Variants in STK31 observed in about 807,000 individuals in gnomAD.
The protein encoded by STK31 is serine/threonine-protein kinase 31.
STK31 carries 89 observed loss-of-function variants against 129.7 expected under a neutral mutation model. The observed-to-expected ratio is 0.69, with a 90% CI of 0.58 to 0.82. The LOEUF is 0.82. Ranked by LOEUF, STK31 falls within the 40% of genes least tolerant of loss-of-function variation. The probability of loss-of-function intolerance (pLI) is 0.00; values close to 1 mark genes in which losing one functional copy is unlikely to be tolerated. For missense variants in STK31, 1,187 were observed against 1,176.4 expected (o/e 1.01, Z -0.13); for synonymous variants, 448 against 395.3 (o/e 1.13, Z -1.58).
Position 23,821,308 on chromosome 7 carries a change from T to C in STK31, c.2829+6096T>C, listed in dbSNP as rs1793771500. On this transcript the variant is annotated intron_variant, in intron 23 of 23. Coordinates refer to ENST00000355870, the MANE Select transcript of STK31 (RefSeq NM_031414.5). Reference sequence around the variant, plus strand: ...GTTCTCCACATCTTTGTGGAGATTTTTCAAAATAGTATTTGGCTATTTTTT... The same window carrying C: ...GTTCTCCACATCTTTGTGGAGATTTCTCAAAATAGTATTTGGCTATTTTTT... 2.6e-5 allele frequency among the ~76,000 whole-genome samples: 4 copies of C among 152,310 alleles called. No individual in the cohort carries two copies. The South Asian group carries it at 8.3e-4, about 32-fold the overall frequency.
intron 23 of STK31, among the ~76,000 whole-genome samples, chr7:23,823,777 A>G (rs940875818): frequency 2.6e-5 from 4 of 152,158 alleles, no homozygotes; most frequent in African/African-American, 9.7e-5. Context: ...TTTTTGTATA[A>G]GGTGTAAGGA....
intron 23 of STK31, among the ~76,000 whole-genome samples, chr7:23,819,409 T>G (rs941818888): frequency 8.1e-6 from 1 of 123,730 alleles, no homozygotes; most frequent in Non-Finnish European, 1.6e-5. Flanking sequence ...AGTAAACAGA[T>G]GATTTCTTTC....
intron 4 of STK31, among the ~76,000 whole-genome samples, chr7:23,726,927 G>C (rs1381910922): frequency 2.0e-5 from 3 of 152,022 alleles, no homozygotes. Flanking sequence ...GTGATTTTAA[G>C]TGTTTGATGC....
intron 15 of STK31, among the ~76,000 whole-genome samples, chr7:23,773,425 C>G (rs1284100200): frequency 6.6e-6 from 1 of 152,126 alleles, no homozygotes; most frequent in African/African-American, 2.4e-5. Flanking sequence ...GCCACATTTT[C>G]TTTATCCACT....
At chr7:23,713,807 T>C (rs1402744303) in intron 3 of STK31, among the ~76,000 whole-genome samples, 1 of 152,086 alleles carries the variant, frequency 6.6e-6, no homozygotes, top group Non-Finnish European at 1.5e-5. Flanking sequence ...TTGAGGCGGC[T>C]GTACAGTTAA....
At chr7:23,793,031 A>G (rs1449848625) in intron 22 of STK31, among the ~76,000 whole-genome samples, 1 of 152,222 alleles carries the variant, frequency 6.6e-6, no homozygotes, top group Non-Finnish European at 1.5e-5. Flanking sequence ...CTAAAAACAC[A>G]AGTGATACTG....
intron 22 of STK31, among the ~76,000 whole-genome samples, chr7:23,804,056 A>C (rs1240502644): frequency 6.6e-6 from 1 of 152,106 alleles, no homozygotes; most frequent in Non-Finnish European, 1.5e-5. Flanking sequence ...AAAGAAGAGA[A>C]TGGCCCCCTT....
chr7:23,797,801 CA>C (rs897017015), intron 22 of STK31, among the ~76,000 whole-genome samples: 29 of 151,838 alleles, frequency 1.9e-4, no homozygotes, highest in African/African-American at 6.5e-4. Context: ...AAAAACCCTT[CA>C]AAAAATCAAT....
At chr7:23,732,022 A>C (rs1458125131) in intron 6 of STK31, among the ~76,000 whole-genome samples, 3 of 152,224 alleles carry the variant, frequency 2.0e-5, no homozygotes, top group Non-Finnish European at 4.4e-5. Context: ...TAAAAAGTTA[A>C]GTTTTGTCCA....
intron 8 of STK31, among the ~76,000 whole-genome samples, chr7:23,741,090 T>C (rs1221894758): frequency 4.6e-5 from 7 of 152,208 alleles, no homozygotes; most frequent in Non-Finnish European, 1.0e-4. Context: ...CCATTATTCT[T>C]TTTGATGCCC....
At chr7:23,814,507 C>T (rs1441011803) in intron 22 of STK31, among the ~76,000 whole-genome samples, 2 of 151,900 alleles carry the variant, frequency 1.3e-5, no homozygotes, top group Non-Finnish European at 2.9e-5. Context: ...AAATAAAAGA[C>T]TGTCTCTTAG....
intron 9 of STK31, among the ~76,000 whole-genome samples, chr7:23,753,568 G>T (rs1385599363): frequency 1.3e-5 from 2 of 152,208 alleles, no homozygotes; most frequent in Admixed American, 6.5e-5. Flanking sequence ...TCATACAGAT[G>T]CCTTTGCAAT....
intron 23 of STK31, among the ~76,000 whole-genome samples, chr7:23,822,651 G>T (rs900960477): frequency 6.6e-6 from 1 of 151,896 alleles, no homozygotes; most frequent in Non-Finnish European, 1.5e-5. Flanking sequence ...TGTGCACAAC[G>T]TGCAGGTTTG....
At chr7:23,798,213 CAGT>C (rs1392768957) in intron 22 of STK31, among the ~76,000 whole-genome samples, 1 of 152,144 alleles carries the variant, frequency 6.6e-6, no homozygotes, top group Non-Finnish European at 1.5e-5. Flanking sequence ...CTGTTCCAAA[CAGT>C]AGAAAAAGAG....
At chr7:23,801,837 T>C (rs2128120954) in intron 22 of STK31, among the ~76,000 whole-genome samples, 1 of 152,280 alleles carries the variant, frequency 6.6e-6, no homozygotes, top group South Asian at 2.1e-4. Flanking sequence ...TTGTCAGAAA[T>C]AAATCGGCCA....
intron 23 of STK31, among the ~76,000 whole-genome samples, chr7:23,823,625 A>G (rs7458889): frequency 0.46 from 69,451 of 151,726 alleles, 16,131 homozygotes; most frequent in Admixed American, 0.53. Context: ...GTCAATTTTG[A>G]CTTTTGTTGC....
chr7:23,734,870 C>T (rs1452063311), intron 6 of STK31, among the ~76,000 whole-genome samples: 1 of 152,048 alleles, frequency 6.6e-6, no homozygotes, highest in Admixed American at 6.6e-5. Flanking sequence ...GAGGCTGAGG[C>T]AGGAGAATCG....
At chr7:23,813,224 A>G (rs73689531) in intron 22 of STK31, among the ~76,000 whole-genome samples, 2,404 of 151,312 alleles carry the variant, frequency 0.016, 80 homozygotes, top group African/African-American at 0.055. Context: ...CGGTTATTGT[A>G]CTTTGTAGTT....
chr7:23,801,635 T>C (rs1262345023), intron 22 of STK31, among the ~76,000 whole-genome samples: 1 of 152,180 alleles, frequency 6.6e-6, no homozygotes, highest in Non-Finnish European at 1.5e-5. Context: ...ACTTGAATAT[T>C]TTTTCTTATA....
Sources: gnomAD v4.1 joint callset for allele counts (sites outside exome capture counted in the v4.1 genomes callset) on GRCh38, gnomAD v4.1.1 for gene constraint, MANE v1.5 for transcripts, NCBI Gene and HGNC (gene_info 2026-07-23, HGNC 2026-07-21) for gene names.